PAK1: variants seen among roughly 807,000 people sequenced by gnomAD.
The protein encoded by PAK1 is p21 (RAC1) activated kinase 1.
Under a neutral mutation model 67.4 loss-of-function variants are expected in PAK1, and 29 were observed. That is an observed-to-expected ratio of 0.43 (90% confidence interval 0.32 to 0.59). The LOEUF is 0.59. PAK1 is among the 20% of genes least tolerant of loss of function. PAK1 has a pLI of 0.07. For synonymous variants in PAK1, 223 were observed against 237.4 expected (o/e 0.94, Z 0.56); for missense variants, 337 against 670.7 (o/e 0.50, Z 5.50).
intron 5 of PAK1, among the ~76,000 whole-genome samples, chr11:77,368,915 T>C (rs545750975): frequency 2.0e-5 from 3 of 152,304 alleles, no homozygotes; most frequent in Admixed American, 6.5e-5. Flanking sequence ...CCAGAGGTAA[T>C]TGATGTTACT....
intron 1 of PAK1, among the ~76,000 whole-genome samples, chr11:77,460,159 G>GA (rs71043579): frequency 0.39 from 38,125 of 96,852 alleles, 5,637 homozygotes; most frequent in South Asian, 0.52. Flanking sequence ...CTGTAGAATA[G>GA]AAAAAAAAAA....
At chr11:77,522,645 T>G in the PAK1 span, among the ~76,000 whole-genome samples, 1 of 152,266 alleles carries the variant, frequency 6.6e-6, no homozygotes, top group Non-Finnish European at 1.5e-5. Flanking sequence ...ATTCAGCCAC[T>G]GTGGAAAACA....
chr11:77,375,918 C>T (rs1489986062), intron 4 of PAK1, among the ~76,000 whole-genome samples: 1 of 152,192 alleles, frequency 6.6e-6, no homozygotes, highest in African/African-American at 2.4e-5. Context: ...GCTTCTTTGA[C>T]ACTACAGCAA....
At chr11:77,387,099 G>A (rs1375198651) in intron 2 of PAK1, among the ~76,000 whole-genome samples, 1 of 138,686 alleles carries the variant, frequency 7.2e-6, no homozygotes, top group Non-Finnish European at 1.5e-5. Context: ...TTGTAATGGA[G>A]TTTCACTCTG....
At chr11:77,484,965 G>C in the PAK1 span, among the ~76,000 whole-genome samples, 86,711 of 152,016 alleles carry the variant, frequency 0.57, 27,697 homozygotes, top group South Asian at 0.77. Flanking sequence ...GGCAAAAAAA[G>C]AGAGAGCTTG....
chr11:77,413,039 G>A (rs1349853986), intron 1 of PAK1, among the ~76,000 whole-genome samples: 1 of 151,946 alleles, frequency 6.6e-6, no homozygotes, highest in Non-Finnish European at 1.5e-5. Flanking sequence ...ATGCTCCCTA[G>A]GAGGTAGTAT....
At chr11:77,400,450 T>G (rs192657790) in intron 1 of PAK1, among the ~76,000 whole-genome samples, 1 of 152,142 alleles carries the variant, frequency 6.6e-6, no homozygotes, top group Non-Finnish European at 1.5e-5. Flanking sequence ...TGTGGAGAGA[T>G]GACAATGAGA....
intron 1 of PAK1, among the ~76,000 whole-genome samples, chr11:77,416,517 A>T (rs555156021): frequency 2.6e-5 from 4 of 152,124 alleles, no homozygotes; most frequent in Admixed American, 2.6e-4. Context: ...CTTCTGGAAG[A>T]CCTCCAAAAG....
chr11:77,333,457 C>G (rs1267379072), intron 13 of PAK1, among the ~76,000 whole-genome samples: 1 of 152,122 alleles, frequency 6.6e-6, no homozygotes, highest in Non-Finnish European at 1.5e-5. Context: ...CTCAACCTCC[C>G]AAAGTGCTGG....
At chr11:77,500,287 T>G in the PAK1 span, among the ~76,000 whole-genome samples, 3 of 151,698 alleles carry the variant, frequency 2.0e-5, no homozygotes, top group African/African-American at 7.3e-5. Context: ...GTTAACATGG[T>G]GAAATCCCGT....
intron 9 of PAK1, 54 bp downstream of exon 9, chr11:77,349,185 C>A: frequency 7.6e-7 from 1 of 1,315,964 alleles, no homozygotes; most frequent in South Asian, 1.3e-5. Flanking sequence ...AAAAATTAAT[C>A]CCAAATAAAA....
intron 5 of PAK1, among the ~76,000 whole-genome samples, chr11:77,361,709 T>G (rs1289396116): frequency 6.6e-6 from 1 of 152,170 alleles, no homozygotes; most frequent in Non-Finnish European, 1.5e-5. Flanking sequence ...CCTATAACTC[T>G]AACAAACTCA....
At chr11:77,498,960 A>G in the PAK1 span, among the ~76,000 whole-genome samples, 1 of 151,938 alleles carries the variant, frequency 6.6e-6, no homozygotes, top group Non-Finnish European at 1.5e-5. Context: ...TGGCCTCCCA[A>G]AGTGCTGGGA....
At chr11:77,455,893 A>C (rs547894833) in intron 1 of PAK1, 1 of 152,320 alleles carries the variant, frequency 6.6e-6, no homozygotes, top group South Asian at 2.1e-4. Flanking sequence ...AAAGGAAGAA[A>C]GACTTGACAG....
the PAK1 span, among the ~76,000 whole-genome samples, chr11:77,527,698 T>C: frequency 1.3e-5 from 2 of 152,192 alleles, no homozygotes; most frequent in African/African-American, 2.4e-5. Context: ...CATTACTACA[T>C]TGCCACTGAA....
chr11:77,501,155 A>AAAAACAAC, the PAK1 span, among the ~76,000 whole-genome samples: 1 of 148,572 alleles, frequency 6.7e-6, no homozygotes, highest in Admixed American at 6.7e-5. Flanking sequence ...CGTCTCAAAA[A>AAAAACAAC]AAAAAACAAA....
intron 1 of PAK1, among the ~76,000 whole-genome samples, chr11:77,470,784 T>C (rs1395231135): frequency 6.6e-6 from 1 of 152,168 alleles, no homozygotes. Context: ...CAAAACCAAC[T>C]TGCAAATTCA....
At chr11:77,356,024 T>C (rs912669037) in intron 6 of PAK1, 182 bp from the exon 7 acceptor site, 1 of 529,032 alleles carries the variant, frequency 1.9e-6, no homozygotes, top group Non-Finnish European at 3.3e-6. Flanking sequence ...AAAATGGCCT[T>C]CCTTACTCTC....
At chr11:77,362,669 T>C (rs1565617222) in intron 5 of PAK1, among the ~76,000 whole-genome samples, 1 of 152,208 alleles carries the variant, frequency 6.6e-6, no homozygotes, top group Non-Finnish European at 1.5e-5. Context: ...TTAAATGAGA[T>C]AAAGCTATGT....
Sources: gnomAD v4.1 joint callset for allele counts (sites outside exome capture counted in the v4.1 genomes callset) on GRCh38, gnomAD v4.1.1 for gene constraint, MANE v1.5 for transcripts, NCBI Gene and HGNC (gene_info 2026-07-23, HGNC 2026-07-21) for gene names.